The following HS6ST3 variants were observed in gnomAD, a reference collection of about 807,000 sequenced individuals.
The protein encoded by HS6ST3 is heparan-sulfate 6-O-sulfotransferase 3.
In HS6ST3, 12 loss-of-function variants were observed where a neutral mutation model predicts 36.7. The ratio of observed to expected loss-of-function variants is 0.33; its 90% CI spans 0.21 to 0.53. The LOEUF is 0.53. HS6ST3 is among the 20% of genes least tolerant of loss of function. The probability of loss-of-function intolerance (pLI) is 0.95; values close to 1 mark genes in which losing one functional copy is unlikely to be tolerated. For synonymous variants in HS6ST3, 240 were observed against 257.5 expected (o/e 0.93, Z 0.65); for missense variants, 584 against 640.9 (o/e 0.91, Z 0.96).
chr13:96,747,050 A>G (rs918597682), intron 1 of HS6ST3, among the ~76,000 whole-genome samples: 42 of 151,986 alleles, frequency 2.8e-4, no homozygotes, highest in Non-Finnish European at 4.6e-4. Context: ...CCTCCCTACC[A>G]TCTGTCTTGA....
intron 1 of HS6ST3, among the ~76,000 whole-genome samples, chr13:96,304,732 A>T (rs866549781): frequency 0.028 from 456 of 16,396 alleles, no homozygotes; most frequent in Middle Eastern, 0.083. Flanking sequence ...TTTTTTTTTT[A>T]CAGAATCTCG....
At chr13:96,612,646 C>T (rs1453812580) in intron 1 of HS6ST3, among the ~76,000 whole-genome samples, 2 of 152,116 alleles carry the variant, frequency 1.3e-5, no homozygotes, top group Non-Finnish European at 2.9e-5. Flanking sequence ...TTATTTGATA[C>T]CAACTACATG....
chr13:96,348,682 T>C (rs931405201), intron 1 of HS6ST3, among the ~76,000 whole-genome samples: 1 of 152,196 alleles, frequency 6.6e-6, no homozygotes, highest in African/African-American at 2.4e-5. Context: ...AGAGCTAGCA[T>C]CCAAGGCAGT....
intron 1 of HS6ST3, among the ~76,000 whole-genome samples, chr13:96,678,950 T>A (rs533913420): frequency 8.2e-4 from 125 of 152,054 alleles, no homozygotes; most frequent in Non-Finnish European, 1.6e-3. Context: ...CTTTTGTTAT[T>A]CACAAAACAG....
At chr13:96,517,096 A>G (rs974899637) in intron 1 of HS6ST3, among the ~76,000 whole-genome samples, 6 of 152,188 alleles carry the variant, frequency 3.9e-5, no homozygotes, top group Admixed American at 3.9e-4. Flanking sequence ...TCAAATGGCC[A>G]GGCCAGGCGC....
intron 1 of HS6ST3, among the ~76,000 whole-genome samples, chr13:96,311,039 A>G (rs2054938498): frequency 6.6e-6 from 1 of 152,200 alleles, no homozygotes; most frequent in South Asian, 2.1e-4. Flanking sequence ...AGATGCAGAT[A>G]ACTCCATGAA....
intron 1 of HS6ST3, among the ~76,000 whole-genome samples, chr13:96,353,833 AC>A (rs2139432271): frequency 6.6e-6 from 1 of 152,368 alleles, no homozygotes; most frequent in South Asian, 2.1e-4. Context: ...TTATAAACAT[AC>A]AAAAAGTACT....
chr13:96,554,010 A>G (rs1462964722), intron 1 of HS6ST3, among the ~76,000 whole-genome samples: 2 of 152,212 alleles, frequency 1.3e-5, no homozygotes, highest in Admixed American at 1.3e-4. Context: ...GTGCGCGTGC[A>G]TGTGCGAGGT....
intron 1 of HS6ST3, among the ~76,000 whole-genome samples, chr13:96,108,465 C>T (rs1181543048): frequency 6.6e-6 from 1 of 152,104 alleles, no homozygotes; most frequent in Non-Finnish European, 1.5e-5. Context: ...ATTTTATTGC[C>T]CTTGAAGCAT....
At chr13:96,760,190 C>A (rs1876931054) in intron 1 of HS6ST3, among the ~76,000 whole-genome samples, 1 of 151,816 alleles carries the variant, frequency 6.6e-6, no homozygotes, top group Admixed American at 6.6e-5. Context: ...ATTGCACTAC[C>A]ATGGGAACAT....
At chr13:96,294,253 A>G (rs2054843889) in intron 1 of HS6ST3, among the ~76,000 whole-genome samples, 1 of 152,178 alleles carries the variant, frequency 6.6e-6, no homozygotes, top group Non-Finnish European at 1.5e-5. Context: ...CCAATACAAC[A>G]TTTAGATTAA....
At chr13:96,103,741 G>A (rs545047500) in intron 1 of HS6ST3, among the ~76,000 whole-genome samples, 3 of 152,250 alleles carry the variant, frequency 2.0e-5, no homozygotes, top group African/African-American at 7.2e-5. Context: ...AGCTTTTATA[G>A]AGCATTTCAA....
chr13:96,209,186 C>T (rs1243380418), intron 1 of HS6ST3, among the ~76,000 whole-genome samples: 1 of 152,150 alleles, frequency 6.6e-6, no homozygotes, highest in East Asian at 1.9e-4. Context: ...TATGTAATTC[C>T]TTGATCTTAC....
intron 1 of HS6ST3, among the ~76,000 whole-genome samples, chr13:96,622,419 T>C (rs2056498317): frequency 1.3e-5 from 2 of 152,166 alleles, no homozygotes; most frequent in Admixed American, 1.3e-4. Flanking sequence ...GCCAGGTGTA[T>C]TTTTTTACTT....
Position 96,345,227 on chromosome 13 carries a change from A to G in HS6ST3, c.707+253658A>G, listed in dbSNP as rs146900327. Reference sequence around the variant, plus strand: ...CATAGTGCCTGTTTTTCATAAGGCTATCATCAATCCCTGAGAAGTACAATT... The same window carrying G: ...CATAGTGCCTGTTTTTCATAAGGCTGTCATCAATCCCTGAGAAGTACAATT... On this transcript the variant is annotated intron_variant, in intron 1 of 1. Transcript: ENST00000376705. Among the ~76,000 whole-genome samples the G allele has an allele frequency of 5.2e-3, 791 of 152,330 alleles. 6 individuals carry two copies. Among genetic ancestry groups the G allele is most frequent in the African/African-American group, 0.018 (758 of 41,574 alleles).
intron 1 of HS6ST3, among the ~76,000 whole-genome samples, chr13:96,482,537 C>T (rs1267810597): frequency 6.6e-6 from 1 of 151,050 alleles, no homozygotes; most frequent in Non-Finnish European, 1.5e-5. Context: ...CTGGTCTCCT[C>T]TGCAGTGTTG....
At chr13:96,464,292 A>C (rs936179265) in intron 1 of HS6ST3, among the ~76,000 whole-genome samples, 45 of 151,920 alleles carry the variant, frequency 3.0e-4, no homozygotes, top group African/African-American at 1.1e-3. Context: ...CTTCTCTGCT[A>C]TATAAACTCC....
intron 1 of HS6ST3, among the ~76,000 whole-genome samples, chr13:96,766,619 A>ATTGCAG (rs1401899694): frequency 1.3e-5 from 2 of 152,176 alleles, no homozygotes; most frequent in African/African-American, 2.4e-5. Flanking sequence ...CATCAAAAGA[A>ATTGCAG]TTGCAGTTTT....
intron 1 of HS6ST3, among the ~76,000 whole-genome samples, chr13:96,731,445 G>A (rs1200068314): frequency 6.6e-6 from 1 of 152,196 alleles, no homozygotes; most frequent in East Asian, 1.9e-4. Flanking sequence ...TGGCTGTATA[G>A]TATCCCATTG....
Sources: allele counts gnomAD v4.1 joint callset (sites outside exome capture counted in the v4.1 genomes callset), GRCh38; gene constraint gnomAD v4.1.1; transcripts MANE v1.5; gene names NCBI Gene and HGNC (gene_info 2026-07-23, HGNC 2026-07-21).